C6: variants seen among roughly 807,000 people sequenced by gnomAD.
C6 encodes the protein complement C6, also known as complement component C6.
A neutral mutation model predicts 112.9 loss-of-function variants in C6; 101 were observed. The ratio of observed to expected loss-of-function variants is 0.89; its 90% CI spans 0.76 to 1.06. The LOEUF is 1.06. Among genes scored for constraint, C6 ranks in the 50% least tolerant of loss-of-function variants. The probability of loss-of-function intolerance (pLI) is 0.00; values close to 1 mark genes in which losing one functional copy is unlikely to be tolerated. For missense variants in C6, 1,202 were observed against 1,104.6 expected (o/e 1.09, Z -1.25); for synonymous variants, 431 against 384.1 (o/e 1.12, Z -1.43).
intron 1 of C6, among the ~76,000 whole-genome samples, chr5:41,257,259 T>A (rs1741774515): frequency 1.3e-5 from 2 of 152,140 alleles, no homozygotes; most frequent in Admixed American, 1.3e-4. Flanking sequence ...CACTTATAAA[T>A]CAAAACATGT....
intron 17 of C6, 83 bp downstream of exon 17, chr5:41,149,158 T>C: frequency 6.8e-7 from 1 of 1,480,174 alleles, no homozygotes; most frequent in Non-Finnish European, 9.4e-7. Context: ...TGATTAAGGA[T>C]AGGTTATTTT....
chr5:41,230,143 A>G (rs1739798070), intron 1 of C6, among the ~76,000 whole-genome samples: 1 of 152,164 alleles, frequency 6.6e-6, no homozygotes, highest in Non-Finnish European at 1.5e-5. Context: ...TCATCTCAGG[A>G]CCACTATTGT....
intron 1 of C6, among the ~76,000 whole-genome samples, chr5:41,241,136 TG>T (rs960604765): frequency 8.5e-5 from 13 of 152,220 alleles, no homozygotes; most frequent in African/African-American, 3.1e-4. Flanking sequence ...TCCCAGGCCC[TG>T]GTTGGCATGC....
At chr5:41,211,141 A>G (rs1751885208) in intron 1 of C6, among the ~76,000 whole-genome samples, 1 of 152,200 alleles carries the variant, frequency 6.6e-6, no homozygotes, top group Non-Finnish European at 1.5e-5. Context: ...ACAAGGACAG[A>G]AAACCAAACA....
intron 1 of C6, among the ~76,000 whole-genome samples, chr5:41,231,403 A>G (rs1310671991): frequency 6.6e-6 from 1 of 152,156 alleles, no homozygotes; most frequent in Non-Finnish European, 1.5e-5. Flanking sequence ...ATTCATCTTA[A>G]CAGTTACAGT....
In C6 at chr5:41,172,333, C is replaced by T; in HGVS notation, c.1183G>A (p.Glu395Lys). The T allele has an allele frequency of 1.2e-6, 2 of 1,613,630 alleles. No individual in the cohort carries two copies. The highest frequency in any genetic ancestry group is 1.7e-6 in the Non-Finnish European group (2 of 1,179,750). The change falls in exon 9 of 18, where the codon GAA (glutamate) becomes AAA (lysine). Residue 395 changes from glutamate to lysine, a missense_variant. Coordinates refer to ENST00000337836, the MANE Select transcript of C6 (RefSeq NM_000065.5). ...ELKNSGLTEE[E>K]AKHCVRIETK... Reference sequence around the variant, plus strand: ...TCAATCCTGACACAGTGTTTGGCTTCTTCCTCGGTTAAACCTAGGAGATGA... The same window carrying T: ...TCAATCCTGACACAGTGTTTGGCTTTTTCCTCGGTTAAACCTAGGAGATGA...
intron 1 of C6, among the ~76,000 whole-genome samples, chr5:41,241,022 C>A (rs1195330934): frequency 6.6e-6 from 1 of 152,192 alleles, no homozygotes; most frequent in Non-Finnish European, 1.5e-5. Context: ...GATCTTTGGG[C>A]AGCATGCTCG....
At chr5:41,239,382 G>T (rs1371644449) in intron 1 of C6, among the ~76,000 whole-genome samples, 1 of 151,934 alleles carries the variant, frequency 6.6e-6, no homozygotes, top group Non-Finnish European at 1.5e-5. Context: ...AAAGTGCTGG[G>T]GTTACAGGGG....
upstream of C6, among the ~76,000 whole-genome samples, chr5:41,215,149 G>A (rs2962292): frequency 0.71 from 107,404 of 151,546 alleles, 38,162 homozygotes; most frequent in Non-Finnish European, 0.73. Context: ...TGTAAATAAC[G>A]TTTTATAGGA....
At chr5:41,175,559 C>T (rs796825829) in intron 8 of C6, among the ~76,000 whole-genome samples, 107 of 152,260 alleles carry the variant, frequency 7.0e-4, no homozygotes, top group African/African-American at 2.5e-3. Context: ...GGTGATGGGG[C>T]TTTAACTAAT....
At chr5:41,175,868 C>A (rs1432228086) in intron 8 of C6, among the ~76,000 whole-genome samples, 1 of 152,194 alleles carries the variant, frequency 6.6e-6, no homozygotes, top group Non-Finnish European at 1.5e-5. Flanking sequence ...ATAAAGCATG[C>A]AGGCAGTGTG....
Position 41,201,546 on chromosome 5 carries a change from A to G in C6, c.300+12T>C. 1 of 1,613,256 alleles carries G rather than the reference A, an allele frequency of 6.2e-7. No homozygotes were observed. Among genetic ancestry groups the G allele is most frequent in the Non-Finnish European group, 8.5e-7 (1 of 1,179,530 alleles). On this transcript the variant is annotated intron_variant, in intron 3 of 17. Coordinates refer to ENST00000337836, the MANE Select transcript of C6 (RefSeq NM_000065.5). ...TGATTCATATTTCCTGGAAATGCCC[A>G]TGGTTGCCTACCTGTTTTTCAATAC...
At chr5:41,211,184 C>G (rs2150391394) in intron 1 of C6, among the ~76,000 whole-genome samples, 1 of 152,066 alleles carries the variant, frequency 6.6e-6, no homozygotes, top group South Asian at 2.1e-4. Context: ...GGGAATTGAA[C>G]AATGAGAACA....
At chr5:41,246,193 C>T (rs1401792742) in intron 1 of C6, among the ~76,000 whole-genome samples, 2 of 152,170 alleles carry the variant, frequency 1.3e-5, no homozygotes, top group African/African-American at 2.4e-5. Flanking sequence ...CTGCTACTCT[C>T]TTAGTATCTT....
At chr5:41,250,751 A>C (rs906625969) in intron 1 of C6, among the ~76,000 whole-genome samples, 5 of 152,184 alleles carry the variant, frequency 3.3e-5, no homozygotes, top group African/African-American at 1.2e-4. Context: ...GTAAACCTTC[A>C]GACTTGTGAG....
chr5:41,240,476 G>C (rs1468912796), intron 1 of C6, among the ~76,000 whole-genome samples: 1 of 152,126 alleles, frequency 6.6e-6, no homozygotes, highest in East Asian at 1.9e-4. Flanking sequence ...GTAGGGTGGC[G>C]GGATAACTCT....
At position 41,154,988 on chromosome 5, in the gene C6, C is replaced by T. The variant is rs755815525; in HGVS notation, c.2085G>A (p.Gly695=). The change falls in exon 14 of 18, where the codon GGG becomes GGA. Residue 695 remains glycine (G), a synonymous_variant. Coordinates refer to ENST00000337836, the MANE Select transcript of C6 (RefSeq NM_000065.5). ...RCLPDGTWRQ[G]DVECQRTECI... ...AGTTCTCACGTTGGCATTCCACATC[C>T]CCTTGTCTCCAGGTCCCGTCTGGTA... 18 of 1,613,662 alleles carry T rather than the reference C, an allele frequency of 1.1e-5. 2 individuals carry two copies. In the South Asian group the frequency reaches 1.8e-4, roughly 16 times the overall value.
intron 1 of C6, among the ~76,000 whole-genome samples, chr5:41,257,348 T>A (rs1333366785): frequency 6.6e-6 from 1 of 152,138 alleles, no homozygotes; most frequent in African/African-American, 2.4e-5. Flanking sequence ...GCCAAGGACA[T>A]TATTTCATTT....
At chr5:41,214,381 C>T (rs1184713148), upstream of C6, among the ~76,000 whole-genome samples, 2 of 152,114 alleles carry the variant, frequency 1.3e-5, no homozygotes, top group African/African-American at 4.8e-5. Flanking sequence ...CTAAAGATTA[C>T]TTGAAACACA....
Sources: gnomAD v4.1 joint callset for allele counts (sites outside exome capture counted in the v4.1 genomes callset) on GRCh38, gnomAD v4.1.1 for gene constraint, MANE v1.5 for transcripts, NCBI Gene and HGNC (gene_info 2026-07-23, HGNC 2026-07-21) for gene names.